Variants in PDE1A observed in about 807,000 individuals in gnomAD.
PDE1A encodes phosphodiesterase 1A, also known as dual specificity calcium/calmodulin-dependent 3',5'-cyclic nucleotide phosphodiesterase 1A.
In PDE1A, 35 loss-of-function variants were observed where a neutral mutation model predicts 61.7. The observed-to-expected ratio is 0.57, with a 90% CI of 0.43 to 0.75. PDE1A has a LOEUF of 0.75. Ranked by LOEUF, PDE1A falls within the 30% of genes least tolerant of loss-of-function variation. PDE1A has a pLI of 0.00. For missense variants in PDE1A, 597 were observed against 630.6 expected, an observed-to-expected ratio of 0.95 and a Z score of 0.57; for synonymous variants, 232 against 213.2, an observed-to-expected ratio of 1.09 and a Z score of -0.77.
At chr2:182,234,726 A>C (rs1016923162) in intron 3 of PDE1A, among the ~76,000 whole-genome samples, 3 of 152,150 alleles carry the variant, frequency 2.0e-5, no homozygotes, top group Non-Finnish European at 4.4e-5. Context: ...AATTAATGTG[A>C]CTTTAGTTTC....
chr2:182,673,882 AGTG>A, the PDE1A span, among the ~76,000 whole-genome samples: 1 of 151,648 alleles, frequency 6.6e-6, no homozygotes, highest in Admixed American at 6.6e-5. Flanking sequence ...CACCCTAAAA[AGTG>A]GTCATAAACA....
chr2:182,234,708 C>A (rs970164641), intron 3 of PDE1A, among the ~76,000 whole-genome samples: 2 of 152,130 alleles, frequency 1.3e-5, no homozygotes, highest in Admixed American at 1.3e-4. Flanking sequence ...TTCACAATCA[C>A]CCTGCAAAAT....
At chr2:182,242,899 C>T (rs12478553) in intron 2 of PDE1A, among the ~76,000 whole-genome samples, 37,950 of 98,204 alleles carry the variant, frequency 0.39, 6,834 homozygotes, top group Middle Eastern at 0.51. Flanking sequence ...TCTCTCTCTC[C>T]CTCTCTCTCT....
intron 2 of PDE1A, among the ~76,000 whole-genome samples, chr2:182,520,027 G>GTAGCATGATTT (rs1159870456): frequency 2.6e-5 from 4 of 151,894 alleles, no homozygotes; most frequent in African/African-American, 9.7e-5. Flanking sequence ...GGTTTAATGA[G>GTAGCATGATTT]TAGCATGATT....
At chr2:182,247,389 C>T (rs1691053170) in intron 2 of PDE1A, among the ~76,000 whole-genome samples, 1 of 152,068 alleles carries the variant, frequency 6.6e-6, no homozygotes, top group South Asian at 2.1e-4. Context: ...AGTAAGTGTT[C>T]ACAGGTTCAT....
the PDE1A span, among the ~76,000 whole-genome samples, chr2:182,714,719 C>T: frequency 5.9e-5 from 9 of 152,024 alleles, no homozygotes; most frequent in Admixed American, 3.3e-4. Context: ...CCACCATGCC[C>T]GGCTTATTTT....
chr2:182,387,180 A>G (rs945491798), intron 1 of PDE1A, among the ~76,000 whole-genome samples: 5 of 152,218 alleles, frequency 3.3e-5, no homozygotes, highest in Non-Finnish European at 7.3e-5. Context: ...GATTAAGGGC[A>G]GTGCAAGATG....
chr2:182,633,113 G>A, the PDE1A span, among the ~76,000 whole-genome samples: 151 of 152,164 alleles, frequency 9.9e-4, 1 homozygote, highest in Admixed American at 2.4e-3. Flanking sequence ...ATGGCATGAT[G>A]AATGGATTTA....
At chr2:182,150,457 G>A (rs1489124476) in intron 13 of PDE1A, among the ~76,000 whole-genome samples, 1 of 152,132 alleles carries the variant, frequency 6.6e-6, no homozygotes, top group Non-Finnish European at 1.5e-5. Flanking sequence ...GAAAGGATTT[G>A]CAATGTCATA....
the PDE1A span, among the ~76,000 whole-genome samples, chr2:182,629,118 G>T: frequency 6.6e-6 from 1 of 152,156 alleles, no homozygotes; most frequent in Non-Finnish European, 1.5e-5. Context: ...AGAAGCCAGG[G>T]CCATCAGGCA....
the PDE1A span, among the ~76,000 whole-genome samples, chr2:182,653,860 C>A: frequency 3.5e-4 from 53 of 152,290 alleles, no homozygotes; most frequent in Non-Finnish European, 6.9e-4. Flanking sequence ...CTTCTCCCAG[C>A]TTCTGACACA....
chr2:182,491,538 T>TG (rs1054138924), intron 2 of PDE1A, among the ~76,000 whole-genome samples: 5 of 152,320 alleles, frequency 3.3e-5, no homozygotes, highest in African/African-American at 1.2e-4. Flanking sequence ...ATGGAAAAGT[T>TG]GGTCACTTGA....
chr2:182,637,272 T>C, the PDE1A span, among the ~76,000 whole-genome samples: 1 of 152,160 alleles, frequency 6.6e-6, no homozygotes, highest in African/African-American at 2.4e-5. Context: ...ACCAAAGATA[T>C]ACTACTCCAT....
At chr2:182,298,774 T>C (rs779767576) in intron 1 of PDE1A, among the ~76,000 whole-genome samples, 2 of 152,010 alleles carry the variant, frequency 1.3e-5, no homozygotes, top group African/African-American at 2.4e-5. Flanking sequence ...CCACAGGATA[T>C]CAATATTATA....
intron 2 of PDE1A, among the ~76,000 whole-genome samples, chr2:182,258,030 T>C (rs1691952908): frequency 6.6e-6 from 1 of 151,918 alleles, no homozygotes; most frequent in African/African-American, 2.4e-5. Context: ...TAGCTGGGTG[T>C]GGTGGCAGGC....
At chr2:182,337,154 C>A (rs1701764945) in intron 1 of PDE1A, among the ~76,000 whole-genome samples, 1 of 152,000 alleles carries the variant, frequency 6.6e-6, no homozygotes, top group Admixed American at 6.6e-5. Context: ...AATGTATACA[C>A]TTTGCCTTAT....
At chr2:182,516,831 A>AAGAGAGGG (rs1428795262) in intron 2 of PDE1A, among the ~76,000 whole-genome samples, 1 of 105,592 alleles carries the variant, frequency 9.5e-6, no homozygotes. Flanking sequence ...GGAAGGAAGG[A>AAGAGAGGG]AGGGAGGGAG....
chr2:182,332,267 T>A (rs1697464540), intron 1 of PDE1A, among the ~76,000 whole-genome samples: 1 of 152,182 alleles, frequency 6.6e-6, no homozygotes, highest in African/African-American at 2.4e-5. Context: ...TTTTTCAAGG[T>A]TCTTAGCTTT....
rs71008214 is a variant in PDE1A at position 182,242,943 on chromosome 2, G to GTGTGTGTGTGTGTGTGTGTGTGTGTGTT, written c.168-2652_168-2651insAACACACACACACACACACACACACACA. Among the ~76,000 whole-genome samples the GTGTGTGTGTGTGTGTGTGTGTGTGTGTT allele has an allele frequency of 2.2e-3, 301 of 137,454 alleles. 4 individuals are homozygous for GTGTGTGTGTGTGTGTGTGTGTGTGTGTT. The highest frequency in any genetic ancestry group is 3.8e-3 in the Non-Finnish European group (238 of 63,380). The allele number at this position is 137,454 out of a possible 152,430, so 90.2% of individuals were successfully genotyped here. On this transcript the variant is annotated intron_variant, in intron 2 of 13. Coordinates refer to ENST00000351439, the Ensembl canonical transcript of PDE1A. ...CTCTCTCTCGTGTGTGTATGTGTGT[G>GTGTGTGTGTGTGTGTGTGTGTGTGTGTT]TGTGTGTTGTGTAGCTGTTGGTTTG...
Sources: gnomAD v4.1 joint callset for allele counts (sites outside exome capture counted in the v4.1 genomes callset) on GRCh38, gnomAD v4.1.1 for gene constraint, MANE v1.5 for transcripts, NCBI Gene and HGNC (gene_info 2026-07-23, HGNC 2026-07-21) for gene names.